CSMD1: variants seen among roughly 807,000 people sequenced by gnomAD.
CSMD1 encodes CUB and sushi domain-containing protein 1.
In CSMD1, 213 loss-of-function variants were observed where a neutral mutation model predicts 417.5. The observed-to-expected ratio is 0.51, with a 90% confidence interval of 0.46 to 0.57. The LOEUF (loss-of-function observed/expected upper bound fraction) is 0.57. Among genes scored for constraint, CSMD1 ranks in the 20% least tolerant of loss-of-function variants. CSMD1 has a pLI of 0.00. For missense variants in CSMD1, 6,923 were observed against 4,529.7 expected, an observed-to-expected ratio of 1.53 and a Z score of -15.17; for synonymous variants, 2,862 against 1,736.8, an observed-to-expected ratio of 1.65 and a Z score of -16.11.
At chr8:3,732,094 A>G (rs1796301110) in intron 6 of CSMD1, among the ~76,000 whole-genome samples, 2 of 152,186 alleles carry the variant, frequency 1.3e-5, no homozygotes, top group Admixed American at 1.3e-4. Flanking sequence ...AATGGATGCC[A>G]CCAGGGAAAG....
chr8:4,168,333 C>T (rs1797572141), intron 3 of CSMD1, among the ~76,000 whole-genome samples: 1 of 151,928 alleles, frequency 6.6e-6, no homozygotes, highest in Admixed American at 6.6e-5. Context: ...AAGGTCAAGG[C>T]TACAGTGATC....
chr8:3,571,038 G>C (rs748167225), intron 10 of CSMD1, among the ~76,000 whole-genome samples: 1 of 152,182 alleles, frequency 6.6e-6, no homozygotes, highest in Non-Finnish European at 1.5e-5. Flanking sequence ...TTGGAAAGTG[G>C]AAACTGTGGG....
intron 3 of CSMD1, among the ~76,000 whole-genome samples, chr8:4,185,618 C>T (rs941832144): frequency 2.6e-5 from 4 of 152,024 alleles, no homozygotes; most frequent in Non-Finnish European, 4.4e-5. Context: ...TGAAATTGCA[C>T]GTTATTTAAA....
At chr8:3,249,357 C>T (rs960518160) in intron 26 of CSMD1, among the ~76,000 whole-genome samples, 2 of 152,096 alleles carry the variant, frequency 1.3e-5, no homozygotes, top group East Asian at 3.9e-4. Context: ...CGAGGAGCTG[C>T]GACTACAGGC....
chr8:4,796,880 G>A (rs1002094036), intron 1 of CSMD1, among the ~76,000 whole-genome samples: 9 of 152,162 alleles, frequency 5.9e-5, no homozygotes, highest in African/African-American at 2.2e-4. Context: ...CCGCACATAT[G>A]CACACAACTG....
At chr8:4,079,793 G>C (rs750519626) in intron 3 of CSMD1, among the ~76,000 whole-genome samples, 14 of 152,074 alleles carry the variant, frequency 9.2e-5, no homozygotes, top group Non-Finnish European at 1.8e-4. Context: ...TTTTCATCAG[G>C]TTAGTAGCAG....
At chr8:4,395,783 A>G (rs929835679) in intron 3 of CSMD1, among the ~76,000 whole-genome samples, 3 of 152,200 alleles carry the variant, frequency 2.0e-5, no homozygotes, top group African/African-American at 4.8e-5. Flanking sequence ...GTGGAAGAAG[A>G]GAATACAATT....
At chr8:3,204,253 T>A (rs1797130359) in intron 31 of CSMD1, among the ~76,000 whole-genome samples, 1 of 152,196 alleles carries the variant, frequency 6.6e-6, no homozygotes. Flanking sequence ...TTTTTAATTG[T>A]GTAATGATGA....
chr8:3,482,934 A>G (rs1817827935), intron 11 of CSMD1, among the ~76,000 whole-genome samples: 1 of 152,194 alleles, frequency 6.6e-6, no homozygotes, highest in Non-Finnish European at 1.5e-5. Context: ...GAATGAAGTT[A>G]AAATAAAAAC....
At chr8:3,963,413 T>G (rs1274046940) in intron 5 of CSMD1, among the ~76,000 whole-genome samples, 1 of 152,186 alleles carries the variant, frequency 6.6e-6, no homozygotes, top group Non-Finnish European at 1.5e-5. Context: ...GGTTCCTAAG[T>G]AGCTTGAAAA....
rs74754067 is a variant in CSMD1, at chr8:4,220,578, C to T, written c.416-188479G>A. ...TAGGTTTTGTGTGAAATAATTGTGG[C>T]TTTTCCTAGAGTGATAAGGGTCCAT... is the stretch of plus-strand genomic sequence containing the variant. On this transcript the variant is annotated intron_variant, in intron 3 of 69. Transcript: ENST00000635120. Among the ~76,000 whole-genome samples the T allele has an allele frequency of 0.021, 3,134 of 152,210 alleles. 175 individuals carry two copies. The East Asian group carries it at 0.24, about 11-fold the overall frequency.
At chr8:3,805,760 C>G (rs898767290) in intron 5 of CSMD1, among the ~76,000 whole-genome samples, 19 of 152,076 alleles carry the variant, frequency 1.2e-4, no homozygotes, top group African/African-American at 4.6e-4. Context: ...CTCTTTGAGT[C>G]CGTCCCCTAC....
At chr8:3,720,007 T>G (rs191022189) in intron 6 of CSMD1, among the ~76,000 whole-genome samples, 1 of 152,134 alleles carries the variant, frequency 6.6e-6, no homozygotes, top group Admixed American at 6.5e-5. Context: ...ACATGGCAAA[T>G]AGAAGCACCT....
At chr8:4,468,483 T>A (rs1800326027) in intron 2 of CSMD1, among the ~76,000 whole-genome samples, 1 of 152,228 alleles carries the variant, frequency 6.6e-6, no homozygotes, top group Admixed American at 6.5e-5. Flanking sequence ...ATATACCAAC[T>A]CATTCTTATC....
intron 1 of CSMD1, among the ~76,000 whole-genome samples, chr8:4,654,357 T>C (rs1804094033): frequency 6.6e-6 from 1 of 152,142 alleles, no homozygotes; most frequent in African/African-American, 2.4e-5. Flanking sequence ...TCCAGCAGTA[T>C]AATTCCCCTG....
intron 6 of CSMD1, among the ~76,000 whole-genome samples, chr8:3,748,401 A>C (rs1797160846): frequency 6.6e-6 from 1 of 152,212 alleles, no homozygotes; most frequent in African/African-American, 2.4e-5. Flanking sequence ...GTCCACTGCC[A>C]TGGAAACAGG....
chr8:3,770,869 A>C (rs1284967959), intron 5 of CSMD1, among the ~76,000 whole-genome samples: 1 of 152,192 alleles, frequency 6.6e-6, no homozygotes, highest in Admixed American at 6.5e-5. Flanking sequence ...CCTGTAGCTC[A>C]TATTTTTTAG....
chr8:3,638,636 G>C (rs1487908678), intron 7 of CSMD1, among the ~76,000 whole-genome samples: 3 of 152,178 alleles, frequency 2.0e-5, no homozygotes, highest in African/African-American at 7.2e-5. Flanking sequence ...TGGAGGAGCA[G>C]GTGAAACATG....
intron 10 of CSMD1, among the ~76,000 whole-genome samples, chr8:3,524,821 C>T (rs1216597527): frequency 1.3e-5 from 2 of 151,390 alleles, no homozygotes; most frequent in Admixed American, 6.6e-5. Context: ...CACAGACACA[C>T]ATGCACACAC....
Sources: allele counts gnomAD v4.1 joint callset (sites outside exome capture counted in the v4.1 genomes callset), GRCh38; gene constraint gnomAD v4.1.1; transcripts MANE v1.5; gene names NCBI Gene and HGNC (gene_info 2026-07-23, HGNC 2026-07-21).